The following TRIM58 variants were observed in gnomAD, a reference collection of about 807,000 sequenced individuals.
TRIM58 encodes the protein E3 ubiquitin-protein ligase TRIM58.
TRIM58 carries 38 observed loss-of-function variants against 34.1 expected under a neutral mutation model. That is an observed-to-expected ratio of 1.12 (90% confidence interval 0.86 to 1.46). The LOEUF (loss-of-function observed/expected upper bound fraction) is 1.46, where lower values mean the gene tolerates loss of function less well. Among genes scored for constraint, TRIM58 ranks in the 40% most tolerant of loss-of-function variants. TRIM58 has a pLI of 0.00. For missense variants in TRIM58, 677 were observed against 642.0 expected, an observed-to-expected ratio of 1.05 and a Z score of -0.59; for synonymous variants, 273 against 275.7, an observed-to-expected ratio of 0.99 and a Z score of 0.10.
At chr1:247,868,206 A>AC in intron 5 of TRIM58, 143 bp downstream of exon 5, 1 of 650,060 alleles carries the variant, frequency 1.5e-6, no homozygotes. Context: ...AGCTGCAGTG[A>AC]CCAACAGAAC....
chr1:247,876,215 C>G lies in TRIM58; in HGVS notation c.1187C>G (p.Ala396Gly), dbSNP rs746692208. ...AAAGGGAATGAGTACATGGTCCTTG[C>G]CTCCCCATCAGTGCCTCTTCTCCAA... ...LLKGNEYMVL[A>G]SPSVPLLQLE... Residue 396 changes from alanine (A) to glycine (G), a missense_variant, in exon 6 of 6, where the codon GCC (alanine) becomes GGC (glycine). By Grantham distance (60) the Ala-to-Gly change is moderately conservative. Coordinates refer to ENST00000366481, the MANE Select transcript of TRIM58 (RefSeq NM_015431.4). The G allele has an allele frequency of 6.2e-7, 1 of 1,614,216 alleles. No homozygotes were observed. Among genetic ancestry groups the G allele is most frequent in the Non-Finnish European group, 8.5e-7 (1 of 1,180,040 alleles).
At chr1:247,859,263 C>T (rs1049638140) in intron 1 of TRIM58, among the ~76,000 whole-genome samples, 1 of 152,122 alleles carries the variant, frequency 6.6e-6, no homozygotes, top group Admixed American at 6.5e-5. Flanking sequence ...CATCTCCTTG[C>T]TTTTGCTGAC....
intron 2 of TRIM58, among the ~76,000 whole-genome samples, chr1:247,864,171 G>A (rs1663862115): frequency 6.6e-6 from 1 of 152,102 alleles, no homozygotes; most frequent in Admixed American, 6.6e-5. Flanking sequence ...AAGAGATGGA[G>A]TCTTGCTCTG....
At chr1:247,871,657 C>T (rs1410812483) in intron 5 of TRIM58, among the ~76,000 whole-genome samples, 1 of 152,178 alleles carries the variant, frequency 6.6e-6, no homozygotes, top group East Asian at 1.9e-4. Context: ...CCCTCAGACT[C>T]AGCAACCTCA....
chr1:247,862,458 C>G (rs1245611380), intron 2 of TRIM58, among the ~76,000 whole-genome samples: 1 of 152,050 alleles, frequency 6.6e-6, no homozygotes, highest in East Asian at 1.9e-4. Flanking sequence ...ATAAAAAGAA[C>G]AAGAACAAAG....
At chr1:247,868,112 A>T (rs757454211) in intron 5 of TRIM58, 49 bp downstream of exon 5, 16 of 1,502,492 alleles carry the variant, frequency 1.1e-5, no homozygotes, top group Non-Finnish European at 1.5e-5. Flanking sequence ...GGTTTGAAGA[A>T]GTTCCAAGGT....
In TRIM58 at chr1:247,877,970, C is replaced by A. The variant is rs561995564; in HGVS notation, c.*1481C>A. The A allele has an allele frequency of 3.3e-5, 5 of 152,114 alleles. No individual in the cohort carries two copies. The highest frequency in any genetic ancestry group is 3.9e-4 in the East Asian group (2 of 5,142). 9.4% of individuals were successfully genotyped at this position (152,114 alleles called of 1,614,324 possible). On this transcript the variant is annotated 3_prime_UTR_variant, in exon 6 of 6. Coordinates refer to ENST00000366481, the MANE Select transcript of TRIM58 (RefSeq NM_015431.4). ...GGTCAGGAGATTGAGACCATCCTGG[C>A]TAACACAGTGAAACCCCGTCTCTAC...
At chr1:247,858,690 C>A (rs1411304624) in intron 1 of TRIM58, among the ~76,000 whole-genome samples, 5 of 148,086 alleles carry the variant, frequency 3.4e-5, no homozygotes, top group African/African-American at 1.2e-4. Context: ...TAATTTCTAG[C>A]TAAACTTTTC....
chr1:247,857,723 A>G, intron 1 of TRIM58, 57 bp downstream of exon 1: 3 of 1,205,666 alleles, frequency 2.5e-6, no homozygotes, highest in East Asian at 7.0e-5. Context: ...AGCGGGCGAC[A>G]GTCCGGAGCG....
intron 1 of TRIM58, among the ~76,000 whole-genome samples, chr1:247,858,978 G>A (rs530329985): frequency 3.3e-5 from 5 of 151,998 alleles, no homozygotes; most frequent in East Asian, 3.9e-4. Context: ...TGTTGGCCAG[G>A]CTGGTCTTGA....
intron 2 of TRIM58, among the ~76,000 whole-genome samples, chr1:247,863,293 A>C (rs887588350): frequency 6.6e-6 from 1 of 152,208 alleles, no homozygotes; most frequent in African/African-American, 2.4e-5. Flanking sequence ...TAATCCCAGC[A>C]CTTTGGGAGG....
chr1:247,857,981 CG>C (rs1663680974), intron 1 of TRIM58, among the ~76,000 whole-genome samples: 1 of 152,188 alleles, frequency 6.6e-6, no homozygotes, highest in Admixed American at 6.5e-5. Flanking sequence ...GGGCTCTGGT[CG>C]GGAGGGCTGT....
chr1:247,860,125 G>A (rs1481034491), intron 1 of TRIM58, among the ~76,000 whole-genome samples: 1 of 152,096 alleles, frequency 6.6e-6, no homozygotes. Flanking sequence ...TAACAATGCA[G>A]TGAGCATACT....
intron 3 of TRIM58, 71 bp downstream of exon 3, chr1:247,865,006 G>C (rs1572572806): frequency 7.4e-7 from 1 of 1,357,588 alleles, no homozygotes; most frequent in African/African-American, 1.5e-5. Context: ...ATGGCTTTCA[G>C]AGACAAACAC....
intron 1 of TRIM58, among the ~76,000 whole-genome samples, chr1:247,858,912 A>G (rs565272703): frequency 2.0e-5 from 3 of 151,820 alleles, no homozygotes; most frequent in Admixed American, 6.6e-5. Context: ...GATTACAGGT[A>G]TGCGTCACCA....
chr1:247,876,548 A>T lies in TRIM58; in HGVS notation c.*59A>T, dbSNP rs1338954148. On this transcript the variant is annotated 3_prime_UTR_variant, in exon 6 of 6. Transcript: ENST00000366481. ...GAACGTTCCTGGAGTGGGGTGAAGG[A>T]TATCAATATACTAAGTTTTAACAGA... The T allele has an allele frequency of 7.5e-7, 1 of 1,334,600 alleles. No individual in the cohort carries two copies. The highest frequency in any genetic ancestry group is 1.0e-6 in the Non-Finnish European group (1 of 969,586). The allele number at this position is 1,334,600 out of a possible 1,614,324, so 82.7% of individuals were successfully genotyped here.
rs543054414 is a variant in TRIM58 at position 247,864,914 on chromosome 1, C to A, written c.726C>A (p.Arg242=). 2.1e-5 allele frequency: 33 copies of A among 1,589,862 alleles called. No homozygotes were observed. The highest frequency in any genetic ancestry group is 2.8e-5 in the Non-Finnish European group (33 of 1,169,164). Reference sequence around the variant, plus strand: ...ATGAGCTGCAGGAGAGGTGCCAGCGCCCGGCCCTGGGTCTGCTGGAGGTGA... The same window carrying A: ...ATGAGCTGCAGGAGAGGTGCCAGCGACCGGCCCTGGGTCTGCTGGAGGTGA... The part of the protein sequence containing the change: ...LADELQERCQ[R]PALGLLEGVR... Residue 242 remains arginine, a synonymous_variant, in exon 3 of 6, where the codon CGC becomes CGA. Transcript: ENST00000366481.
chr1:247,858,942 T>G (rs1345753757), intron 1 of TRIM58, among the ~76,000 whole-genome samples: 2 of 151,860 alleles, frequency 1.3e-5, no homozygotes, highest in African/African-American at 4.8e-5. Flanking sequence ...AATTTTTGTA[T>G]TTTTAGTAGA....
chr1:247,865,048 C>T, intron 3 of TRIM58, 113 bp downstream of exon 3: 1 of 1,005,894 alleles, frequency 9.9e-7, no homozygotes, highest in Non-Finnish European at 1.4e-6. Context: ...GAAAAGGGCA[C>T]CCTCAAATTT....
Sources: gnomAD v4.1 joint callset for allele counts (sites outside exome capture counted in the v4.1 genomes callset) on GRCh38, gnomAD v4.1.1 for gene constraint, MANE v1.5 for transcripts, NCBI Gene and HGNC (gene_info 2026-07-23, HGNC 2026-07-21) for gene names.